The following PCDH15 variants were observed in gnomAD, a reference collection of about 807,000 sequenced individuals.
PCDH15 encodes the protein protocadherin related 15, also known as protocadherin-15.
In PCDH15, 129 loss-of-function variants were observed where a neutral mutation model predicts 178.5. The ratio of observed to expected loss-of-function variants is 0.72; its 90% CI spans 0.63 to 0.84. PCDH15 has a LOEUF of 0.84. PCDH15 is among the 40% of genes least tolerant of loss of function. PCDH15 has a pLI of 0.00. For missense variants in PCDH15, 2,230 were observed against 2,099.9 expected, an observed-to-expected ratio of 1.06 and a Z score of -1.21; for synonymous variants, 800 against 732.0, an observed-to-expected ratio of 1.09 and a Z score of -1.50.
At chr10:55,120,756 C>A (rs189367296) in intron 2 of PCDH15, among the ~76,000 whole-genome samples, 1 of 152,128 alleles carries the variant, frequency 6.6e-6, no homozygotes, top group African/African-American at 2.4e-5. Context: ...TTTGGTCTCC[C>A]CAGTTGTGAC....
intron 2 of PCDH15, among the ~76,000 whole-genome samples, chr10:55,476,209 G>T (rs962900540): frequency 3.3e-5 from 5 of 151,960 alleles, no homozygotes; most frequent in Admixed American, 6.6e-5. Flanking sequence ...GTTTCTAAGA[G>T]GACTTCAGAG....
Position 54,717,836 on chromosome 10 carries a change from T to C in PCDH15, c.-28-53546A>G, listed in dbSNP as rs563606705. On this transcript the variant is annotated intron_variant, in intron 1 of 37. Transcript: ENST00000644397. ...CGTATGTTTACTGCGGCACTATTCA[T>C]AATAGCGAAGACTTGGAACCAACCC... 7.5e-4 allele frequency among the ~76,000 whole-genome samples: 107 copies of C among 143,586 alleles called. 4 individuals carry two copies. Among genetic ancestry groups the C allele is most frequent in the African/African-American group, 2.7e-3 (101 of 37,650 alleles). 94.2% of individuals were successfully genotyped at this position (143,586 alleles called of 152,430 possible).
At chr10:54,881,216 G>A (rs1046573691) in intron 3 of PCDH15, among the ~76,000 whole-genome samples, 2 of 152,036 alleles carry the variant, frequency 1.3e-5, no homozygotes, top group Non-Finnish European at 2.9e-5. Context: ...CATAGCAGGG[G>A]CGCTTTGAGG....
intron 25 of PCDH15, among the ~76,000 whole-genome samples, chr10:53,925,830 T>C (rs1355001676): frequency 2.0e-5 from 3 of 152,250 alleles, no homozygotes; most frequent in African/African-American, 7.2e-5. Flanking sequence ...TTTCCTTTGA[T>C]GCTTTCTTTG....
chr10:54,079,982 A>C (rs180936325), intron 16 of PCDH15, among the ~76,000 whole-genome samples: 196 of 152,194 alleles, frequency 1.3e-3, no homozygotes, highest in African/African-American at 4.4e-3. Context: ...AAATTACAGA[A>C]ATTATGTTTT....
chr10:55,331,525 A>G (rs1408549542), intron 2 of PCDH15, among the ~76,000 whole-genome samples: 2 of 152,046 alleles, frequency 1.3e-5, no homozygotes, highest in Admixed American at 1.3e-4. Context: ...TAAAGAAAGC[A>G]GCTTTGAGAT....
At chr10:54,099,416 A>G (rs7093462) in intron 15 of PCDH15, among the ~76,000 whole-genome samples, 116,224 of 148,368 alleles carry the variant, frequency 0.78, 46,538 homozygotes, top group African/African-American at 0.92. Flanking sequence ...AGGAGAATGT[A>G]TGAACCCAGG....
intron 2 of PCDH15, among the ~76,000 whole-genome samples, chr10:55,400,752 C>A (rs1838042604): frequency 1.3e-5 from 2 of 152,052 alleles, no homozygotes; most frequent in South Asian, 4.1e-4. Flanking sequence ...TTTGCAGAAG[C>A]CTGTCTTTCA....
chr10:55,286,197 A>G (rs1184635800), intron 1 of PCDH15, among the ~76,000 whole-genome samples: 1 of 151,918 alleles, frequency 6.6e-6, no homozygotes, highest in Non-Finnish European at 1.5e-5. Context: ...GGCTACTATT[A>G]TGTTACAATC....
chr10:54,879,478 A>G (rs1172272472), intron 3 of PCDH15, among the ~76,000 whole-genome samples: 1 of 152,050 alleles, frequency 6.6e-6, no homozygotes, highest in Non-Finnish European at 1.5e-5. Flanking sequence ...TTTTATTCAA[A>G]CTAAGAGCTA....
intron 10 of PCDH15, among the ~76,000 whole-genome samples, chr10:54,201,285 T>C (rs1455450075): frequency 6.6e-6 from 1 of 152,158 alleles, no homozygotes; most frequent in East Asian, 1.9e-4. Context: ...AATACTCTTA[T>C]GTCAATGTAG....
At chr10:54,250,075 G>A (rs1353085102) in intron 8 of PCDH15, among the ~76,000 whole-genome samples, 2 of 137,620 alleles carry the variant, frequency 1.5e-5, no homozygotes, top group Non-Finnish European at 3.0e-5. Context: ...CACCACATCC[G>A]GCTTTTTTTT....
chr10:54,009,023 C>G (rs1480317514), intron 20 of PCDH15, among the ~76,000 whole-genome samples: 1 of 151,916 alleles, frequency 6.6e-6, no homozygotes, highest in Non-Finnish European at 1.5e-5. Context: ...TTTCAAAATA[C>G]AATACAATCA....
chr10:54,618,406 G>A (rs1015838515), intron 2 of PCDH15, among the ~76,000 whole-genome samples: 34 of 151,960 alleles, frequency 2.2e-4, no homozygotes, highest in African/African-American at 8.0e-4. Context: ...GTAAAACCGG[G>A]GAAATATTTC....
chr10:55,024,252 T>C (rs1840418758), intron 2 of PCDH15, among the ~76,000 whole-genome samples: 1 of 147,670 alleles, frequency 6.8e-6, no homozygotes, highest in South Asian at 2.1e-4. Flanking sequence ...TATGTATCTG[T>C]GTACACACAC....
intron 8 of PCDH15, among the ~76,000 whole-genome samples, chr10:54,300,639 G>A (rs1276556139): frequency 6.6e-6 from 1 of 152,200 alleles, no homozygotes; most frequent in African/African-American, 2.4e-5. Flanking sequence ...AGCCAGCTGA[G>A]CTTCTGGGTC....
intron 2 of PCDH15, among the ~76,000 whole-genome samples, chr10:55,621,989 A>C (rs369066661): frequency 1.3e-3 from 182 of 143,316 alleles, no homozygotes; most frequent in East Asian, 0.01. Context: ...TTCTCTCTCT[A>C]TATATATTTA....
At chr10:54,862,781 T>C (rs1044408147) in intron 3 of PCDH15, among the ~76,000 whole-genome samples, 1 of 152,214 alleles carries the variant, frequency 6.6e-6, no homozygotes, top group East Asian at 1.9e-4. Flanking sequence ...TTTCACTTTC[T>C]GATAGGAGCT....
chr10:55,188,699 T>A (rs985391445), intron 1 of PCDH15, among the ~76,000 whole-genome samples: 4 of 151,920 alleles, frequency 2.6e-5, no homozygotes, highest in Admixed American at 2.6e-4. Context: ...AAAATAAAGT[T>A]ATGGTCCTTT....
Sources: allele counts gnomAD v4.1 joint callset (sites outside exome capture counted in the v4.1 genomes callset), GRCh38; gene constraint gnomAD v4.1.1; transcripts MANE v1.5; gene names NCBI Gene and HGNC (gene_info 2026-07-23, HGNC 2026-07-21).